The following FAM135B variants were observed in gnomAD, a reference collection of about 807,000 sequenced individuals.
FAM135B encodes family with sequence similarity 135 member B.
FAM135B carries 43 observed loss-of-function variants against 127.7 expected under a neutral mutation model. That is an observed-to-expected ratio of 0.34 (90% confidence interval 0.26 to 0.43). The LOEUF (loss-of-function observed/expected upper bound fraction) is 0.43. Among genes scored for constraint, FAM135B ranks in the 20% least tolerant of loss-of-function variants. FAM135B has a pLI of 1.00. For missense variants in FAM135B, 1,558 were observed against 1,725.6 expected (o/e 0.90, Z 1.72); for synonymous variants, 670 against 665.1 (o/e 1.01, Z -0.11).
intron 2 of FAM135B, among the ~76,000 whole-genome samples, chr8:138,322,116 C>T (rs1215442565): frequency 6.6e-6 from 1 of 152,194 alleles, no homozygotes. Context: ...AAAGTATACA[C>T]TGTGATATGA....
chr8:138,213,747 A>C (rs963036421), intron 7 of FAM135B, among the ~76,000 whole-genome samples: 5 of 152,280 alleles, frequency 3.3e-5, no homozygotes, highest in Admixed American at 3.3e-4. Flanking sequence ...CAAAGGAGGG[A>C]AAGTCCAATG....
At chr8:138,182,076 C>A (rs950444305) in intron 9 of FAM135B, among the ~76,000 whole-genome samples, 1 of 152,200 alleles carries the variant, frequency 6.6e-6, no homozygotes, top group African/African-American at 2.4e-5. Context: ...TCACTCACAG[C>A]ACCACTACCA....
intron 9 of FAM135B, among the ~76,000 whole-genome samples, chr8:138,193,086 C>A (rs59324013): frequency 6.6e-6 from 1 of 152,022 alleles, no homozygotes; most frequent in Non-Finnish European, 1.5e-5. Flanking sequence ...CCCACCACCA[C>A]GTGACGTATA....
At chr8:138,143,482 C>T (rs1006148381) in intron 15 of FAM135B, among the ~76,000 whole-genome samples, 3 of 152,120 alleles carry the variant, frequency 2.0e-5, no homozygotes, top group African/African-American at 7.2e-5. Flanking sequence ...CATGACCCAG[C>T]GTTCACACCA....
In FAM135B at chr8:138,151,491, G is replaced by A. The variant is rs2130731553; in HGVS notation, c.2984C>T (p.Ser995Phe). The change falls in exon 13 of 20, where the codon TCC becomes TTC. Residue 995 changes from serine (S) to phenylalanine (F), a missense_variant. Ser to Phe is a radical substitution (Grantham distance 155). Transcript: ENST00000395297. ...VCPTVTHSVH[S>F]QVLKNQELKA... is the part of the protein sequence containing the mutation. ...CAGCTCTTGGTTTTTCAAAACCTGGGAATGAACGGAATGGGTCACAGTGGG... is the reference window on the plus strand; with the variant it reads ...CAGCTCTTGGTTTTTCAAAACCTGGAAATGAACGGAATGGGTCACAGTGGG... 1 of 1,614,210 alleles carries A rather than the reference G, an allele frequency of 6.2e-7. No homozygotes were observed. The highest frequency in any genetic ancestry group is 8.5e-7 in the Non-Finnish European group (1 of 1,180,036).
At chr8:138,226,184 T>TGTGTGTGTGTGTGTGCGCGCGCGC in intron 7 of FAM135B, among the ~76,000 whole-genome samples, 112 of 139,278 alleles carry the variant, frequency 8.0e-4, no homozygotes, top group Non-Finnish European at 9.9e-4. Context: ...TGTGTGTGTG[T>TGTGTGTGTGTGTGTGCGCGCGCGC]GCGCGCATGT....
At chr8:138,201,150 T>C (rs1368453467) in intron 7 of FAM135B, among the ~76,000 whole-genome samples, 2 of 152,216 alleles carry the variant, frequency 1.3e-5, no homozygotes, top group Admixed American at 6.5e-5. Flanking sequence ...ACAGTAGTCA[T>C]GAATCCCCAG....
chr8:138,451,190 G>A (rs1836461143), intron 1 of FAM135B, among the ~76,000 whole-genome samples: 2 of 152,260 alleles, frequency 1.3e-5, no homozygotes, highest in African/African-American at 4.8e-5. Context: ...CTTCTGCTAA[G>A]TTCTGAACTA....
intron 2 of FAM135B, among the ~76,000 whole-genome samples, chr8:138,345,537 AC>A (rs1829352091): frequency 6.8e-6 from 1 of 147,008 alleles, no homozygotes; most frequent in African/African-American, 2.5e-5. Flanking sequence ...CACAGTGGAA[AC>A]CCTTGTTTTG....
chr8:138,277,226 T>C (rs991253697), intron 3 of FAM135B, among the ~76,000 whole-genome samples: 7 of 152,146 alleles, frequency 4.6e-5, no homozygotes, highest in Admixed American at 4.6e-4. Flanking sequence ...ACATTTTTCC[T>C]TCCCTTATTC....
chr8:138,367,801 C>G (rs10505702), intron 2 of FAM135B, 106 bp downstream of exon 2: 1 of 852,712 alleles, frequency 1.2e-6, no homozygotes, highest in African/African-American at 1.7e-5. Flanking sequence ...TTCGTTAGTC[C>G]CAAATTTCCT....
intron 2 of FAM135B, among the ~76,000 whole-genome samples, chr8:138,326,471 T>C (rs571178814): frequency 4.6e-5 from 7 of 152,170 alleles, no homozygotes; most frequent in Non-Finnish European, 8.8e-5. Context: ...CTTGCACAGC[T>C]TGAAATGTCA....
intron 12 of FAM135B, among the ~76,000 whole-genome samples, chr8:138,155,018 G>A (rs1029729967): frequency 3.3e-5 from 5 of 152,096 alleles, no homozygotes; most frequent in Non-Finnish European, 4.4e-5. Flanking sequence ...TTGAAATGAA[G>A]GAAAAAATGT....
intron 7 of FAM135B, among the ~76,000 whole-genome samples, chr8:138,206,397 A>ACACAACTCCAACATCCCCTCCACCTACC (rs1817609526): frequency 4.8e-5 from 1 of 20,946 alleles, no homozygotes; most frequent in Non-Finnish European, 1.0e-4. Flanking sequence ...CTCCACCTAC[A>ACACAACTCCAACATCCCCTCCACCTACC]CACAGCTCTA....
chr8:138,143,079 T>C lies in FAM135B; in HGVS notation c.3571A>G (p.Thr1191Ala). The stretch of plus-strand genomic sequence containing the variant: ...ATGATTTCATCCAATAACCGATCCG[T>C]CATAGTATCAAAATCTGCAAATGTG... ...MDTFADFDTM[T>A]DRLLDEIIQH... The change falls in exon 16 of 20, where the codon ACG becomes GCG. Residue 1191 changes from threonine (T) to alanine (A), a missense_variant. By Grantham distance (58) the Thr-to-Ala change is moderately conservative (BLOSUM62 0). Transcript: ENST00000395297. 6.2e-7 allele frequency: 1 copy of C among 1,609,214 alleles called. No homozygotes were observed. The highest frequency in any genetic ancestry group is 8.5e-7 in the Non-Finnish European group (1 of 1,175,588).
intron 2 of FAM135B, among the ~76,000 whole-genome samples, chr8:138,331,436 C>T (rs772118077): frequency 8.5e-5 from 13 of 152,198 alleles, no homozygotes; most frequent in Non-Finnish European, 1.6e-4. Context: ...TTTTTAAAAA[C>T]AGGTCTGAAA....
chr8:138,238,431 C>T (rs1188683547), intron 7 of FAM135B, among the ~76,000 whole-genome samples: 1 of 152,030 alleles, frequency 6.6e-6, no homozygotes, highest in Admixed American at 6.5e-5. Flanking sequence ...GGAACATAAG[C>T]GCTTGCTCCA....
chr8:138,304,752 C>T (rs1414393803), intron 3 of FAM135B, among the ~76,000 whole-genome samples: 1 of 152,202 alleles, frequency 6.6e-6, no homozygotes, highest in Non-Finnish European at 1.5e-5. Context: ...AGTGGCAATG[C>T]TGGCTTGGCC....
At chr8:138,270,442 C>T (rs1271766403) in intron 3 of FAM135B, among the ~76,000 whole-genome samples, 2 of 152,174 alleles carry the variant, frequency 1.3e-5, no homozygotes, top group Non-Finnish European at 2.9e-5. Context: ...GTTGGTTTGG[C>T]TACATTGTGA....
Sources: allele counts gnomAD v4.1 joint callset (sites outside exome capture counted in the v4.1 genomes callset), GRCh38; gene constraint gnomAD v4.1.1; transcripts MANE v1.5; gene names NCBI Gene and HGNC (gene_info 2026-07-23, HGNC 2026-07-21).